The following CACNB2 variants were observed in gnomAD, a reference collection of about 807,000 sequenced individuals.
CACNB2 encodes the protein voltage-dependent L-type calcium channel subunit beta-2.
CACNB2 carries 42 observed loss-of-function variants against 73.3 expected under a neutral mutation model. The ratio of observed to expected loss-of-function variants is 0.57; its 90% CI spans 0.45 to 0.74. The LOEUF is 0.74. CACNB2 is among the 30% of genes least tolerant of loss of function. The pLI is 0.00. For missense variants in CACNB2, 940 were observed against 853.0 expected (o/e 1.10, Z -1.27); for synonymous variants, 348 against 310.3 (o/e 1.12, Z -1.28).
At chr10:18,259,056 G>C (rs1007637234) in intron 2 of CACNB2, among the ~76,000 whole-genome samples, 1 of 152,096 alleles carries the variant, frequency 6.6e-6, no homozygotes, top group African/African-American at 2.4e-5. Flanking sequence ...GGTTTAACTA[G>C]TATATGATAG....
At chr10:18,455,010 C>A (rs2047206427) in intron 3 of CACNB2, among the ~76,000 whole-genome samples, 1 of 148,196 alleles carries the variant, frequency 6.7e-6, no homozygotes, top group African/African-American at 2.5e-5. Context: ...CCACTGCAGC[C>A]TTGGGTGACA....
chr10:18,453,660 C>G (rs1390547795), intron 3 of CACNB2, among the ~76,000 whole-genome samples: 1 of 152,194 alleles, frequency 6.6e-6, no homozygotes, highest in South Asian at 2.1e-4. Flanking sequence ...GACGGAGTCT[C>G]GCTCTGTTGC....
At chr10:18,261,900 C>T in intron 2 of CACNB2, 1 of 516,918 alleles carries the variant, frequency 1.9e-6, no homozygotes, top group Admixed American at 2.0e-5. Flanking sequence ...TTAAATTCTA[C>T]AAGGCAGGCT....
At chr10:18,365,798 A>G (rs1473361511) in intron 2 of CACNB2, among the ~76,000 whole-genome samples, 2 of 137,642 alleles carry the variant, frequency 1.5e-5, no homozygotes, top group Non-Finnish European at 3.2e-5. Flanking sequence ...TTAACCATTC[A>G]TTGATTTCAG....
intron 3 of CACNB2, among the ~76,000 whole-genome samples, chr10:18,423,464 G>A (rs4748465): frequency 0.87 from 132,306 of 152,208 alleles, 57,678 homozygotes; most frequent in East Asian, 0.94. Flanking sequence ...GCAGTTGCCA[G>A]GGCTTTCTGT....
chr10:18,153,737 A>G (rs935318889), intron 2 of CACNB2, among the ~76,000 whole-genome samples: 1 of 150,076 alleles, frequency 6.7e-6, no homozygotes, highest in Admixed American at 6.7e-5. Context: ...ACAAGCTACT[A>G]TGCCCAGCTG....
chr10:18,452,975 C>A, intron 3 of CACNB2, among the ~76,000 whole-genome samples: 1 of 152,148 alleles, frequency 6.6e-6, no homozygotes, highest in East Asian at 1.9e-4. Context: ...ATCTCATCTC[C>A]GCTGACATCA....
At chr10:18,241,532 A>T (rs1372420169) in intron 2 of CACNB2, among the ~76,000 whole-genome samples, 1 of 152,034 alleles carries the variant, frequency 6.6e-6, no homozygotes, top group African/African-American at 2.4e-5. Context: ...ATGTATACCT[A>T]TGTAAGAAAC....
At position 18,538,320 on chromosome 10, in the gene CACNB2, C is replaced by T. The variant is rs780182558; in HGVS notation, c.1443C>T (p.Ala481=). 43 of 1,614,024 alleles carry T rather than the reference C, an allele frequency of 2.7e-5. No homozygotes were observed. In the South Asian group the frequency reaches 4.6e-4, roughly 17 times the overall value. ...ACCCTCTCCTTAGCCGTACATTAGC[C>T]ACTTCAAGTCTGCCTCTTAGCCCCA... is the stretch of plus-strand genomic sequence containing the variant. ...LPNPLLSRTL[A]TSSLPLSPTL... Residue 481 remains alanine (A), a synonymous_variant, in exon 13 of 14, where the codon GCC becomes GCT. Coordinates refer to ENST00000324631, the MANE Select transcript of CACNB2 (RefSeq NM_201596.3).
intron 2 of CACNB2, among the ~76,000 whole-genome samples, chr10:18,336,520 G>A (rs1377568489): frequency 1.3e-5 from 2 of 152,098 alleles, no homozygotes; most frequent in African/African-American, 4.8e-5. Context: ...TCGAGAGGCT[G>A]AGGCATAAAA....
chr10:18,538,090 G>T, intron 12 of CACNB2, 90 bp from the exon 13 acceptor site: 1 of 1,228,494 alleles, frequency 8.1e-7, no homozygotes, highest in South Asian at 1.2e-5. Flanking sequence ...AAGGGGTGCA[G>T]CTCATGAGCC....
chr10:18,178,213 G>A (rs924942671), intron 2 of CACNB2, among the ~76,000 whole-genome samples: 1 of 152,062 alleles, frequency 6.6e-6, no homozygotes, highest in Non-Finnish European at 1.5e-5. Flanking sequence ...AAGCCTGTAG[G>A]GATTGGGGAC....
At chr10:18,229,582 T>C (rs1308473790) in intron 2 of CACNB2, among the ~76,000 whole-genome samples, 1 of 152,218 alleles carries the variant, frequency 6.6e-6, no homozygotes, top group Non-Finnish European at 1.5e-5. Flanking sequence ...CCTTAAAATA[T>C]TTAGCAGCAT....
rs566149877 is a variant in CACNB2 at position 18,175,444 on chromosome 10, C to T, written c.213+24469C>T. ...TGTGCGTATTGGGTCAGAATAAAAA[C>T]ATGCACAATTTTTTTTATGAGGAAC... On this transcript the variant is annotated intron_variant, in intron 2 of 13. Coordinates refer to ENST00000324631, the MANE Select transcript of CACNB2 (RefSeq NM_201596.3). Among the ~76,000 whole-genome samples the T allele has an allele frequency of 5.9e-5, 9 of 152,268 alleles. No homozygotes were observed. The East Asian group carries it at 1.3e-3, about 23-fold the overall frequency.
rs1216244834 is a variant in CACNB2 at position 18,220,144 on chromosome 10, T to C, written c.213+69169T>C. ...ATATATATATATATATATATATATATATATATATATACACACACACACACA... is the reference window on the plus strand; with the variant it reads ...ATATATATATATATATATATATATACATATATATATACACACACACACACA... On this transcript the variant is annotated intron_variant, in intron 2 of 13. Transcript: ENST00000324631. Among the ~76,000 whole-genome samples the C allele has an allele frequency of 4.9e-3, 190 of 38,944 alleles. 7 individuals are homozygous for C. Among genetic ancestry groups the C allele is most frequent in the Non-Finnish European group, 6.6e-3 (168 of 25,510 alleles). The allele number at this position is 38,944 out of a possible 152,430, so 25.5% of individuals were successfully genotyped here.
At chr10:18,287,442 G>A (rs1269103334) in intron 2 of CACNB2, among the ~76,000 whole-genome samples, 2 of 152,192 alleles carry the variant, frequency 1.3e-5, no homozygotes, top group African/African-American at 4.8e-5. Context: ...AAAGGAGAAG[G>A]GAGTGTTAGT....
intron 2 of CACNB2, among the ~76,000 whole-genome samples, chr10:18,231,753 T>G (rs757435422): frequency 2.3e-4 from 35 of 152,340 alleles, no homozygotes; most frequent in Non-Finnish European, 4.7e-4. Context: ...ATCAGATTCT[T>G]GTTTGCTCCC....
intron 2 of CACNB2, among the ~76,000 whole-genome samples, chr10:18,361,429 G>T (rs1411058492): frequency 6.6e-6 from 1 of 150,566 alleles, no homozygotes; most frequent in Non-Finnish European, 1.5e-5. Context: ...AATCCAGGAG[G>T]TGGAGGTTGC....
intron 2 of CACNB2, among the ~76,000 whole-genome samples, chr10:18,310,151 C>G (rs1487582165): frequency 6.6e-6 from 1 of 151,756 alleles, no homozygotes; most frequent in East Asian, 1.9e-4. Context: ...GTATTTTCAG[C>G]AATGTTTTAA....
Sources: allele counts gnomAD v4.1 joint callset (sites outside exome capture counted in the v4.1 genomes callset), GRCh38; gene constraint gnomAD v4.1.1; transcripts MANE v1.5; gene names NCBI Gene and HGNC (gene_info 2026-07-23, HGNC 2026-07-21).